The following MTMR4 variants were observed in gnomAD, a reference collection of about 807,000 sequenced individuals.
The protein encoded by MTMR4 is myotubularin related protein 4.
In MTMR4, 30 loss-of-function variants were observed where a neutral mutation model predicts 125.5. That is an observed-to-expected ratio of 0.24 (90% CI 0.18 to 0.32). The LOEUF (loss-of-function observed/expected upper bound fraction) is 0.32. Among genes scored for constraint, MTMR4 ranks in the 10% least tolerant of loss-of-function variants. MTMR4 has a pLI of 1.00. For missense variants in MTMR4, 1,039 were observed against 1,511.5 expected (o/e 0.69, Z 5.18); for synonymous variants, 498 against 564.5 (o/e 0.88, Z 1.67).
At chr17:58,516,428 A>C (rs556917360), upstream of MTMR4, 3 of 806,510 alleles carry the variant, frequency 3.7e-6, no homozygotes, top group African/African-American at 5.1e-5. Context: ...AATCTAAAGA[A>C]ACCCTAATTT....
At position 58,503,767 on chromosome 17, in the gene MTMR4, C is replaced by T; in HGVS notation, c.1830G>A (p.Glu610=). 1 of 1,614,058 alleles carries T rather than the reference C, an allele frequency of 6.2e-7. No homozygotes were observed. Among genetic ancestry groups the T allele is most frequent in the Non-Finnish European group, 8.5e-7 (1 of 1,179,938 alleles). ...LYLSPVAQSQ[E]FSGRSLDRLP... is the part of the protein sequence containing the mutation. Reference sequence around the variant, plus strand: ...ACCTGTCCAGAGAGCGGCCAGAGAACTCCTGGCTCTGGGCCACTGGGGAAA... The same window carrying T: ...ACCTGTCCAGAGAGCGGCCAGAGAATTCCTGGCTCTGGGCCACTGGGGAAA... The change falls in exon 14 of 18, where the codon GAG becomes GAA. Residue 610 remains glutamate, a synonymous_variant. Transcript: ENST00000682306.
Position 58,508,671 on chromosome 17 carries a change from C to G in MTMR4, c.496+10G>C. 1 of 1,613,852 alleles carries G rather than the reference C, an allele frequency of 6.2e-7. No individual in the cohort carries two copies. Among genetic ancestry groups the G allele is most frequent in the South Asian group, 1.1e-5 (1 of 91,086 alleles). On this transcript the variant is annotated intron_variant, in intron 5 of 17. Coordinates refer to ENST00000682306, the MANE Select transcript of MTMR4 (RefSeq NM_001378067.1). This position sits in a 1 kb window ranked among gnomAD's most constrained non-coding sequence, Gnocchi z 4.8. ...GAAGCAGCCTCCCAAAGAAAATAGA[C>G]TGGCCTCACCTGGCTGACATAGGTG...
chr17:58,508,589 T>A lies in MTMR4; in HGVS notation c.497-25A>T. On this transcript the variant is annotated intron_variant, in intron 5 of 17. Coordinates refer to ENST00000682306, the MANE Select transcript of MTMR4 (RefSeq NM_001378067.1). This position sits in a 1 kb window ranked among gnomAD's most constrained non-coding sequence, Gnocchi z 4.8. ...CCTGCAACAGAGCCCCCACGATGGT[T>A]AGCTTCCCAGAGCACCAATGTGCAG... 1 of 1,614,148 alleles carries A rather than the reference T, an allele frequency of 6.2e-7. No individual in the cohort carries two copies. The highest frequency in any genetic ancestry group is 1.1e-5 in the South Asian group (1 of 91,082).
chr17:58,511,603 G>T, intron 3 of MTMR4, 92 bp from the exon 4 acceptor site: 2 of 1,056,970 alleles, frequency 1.9e-6, no homozygotes, highest in Non-Finnish European at 2.8e-6. Flanking sequence ...ATCAATAGCA[G>T]GAAGGAAACC....
chr17:58,492,991 CATT>C (rs771200189), intron 15 of MTMR4, 39 bp from the exon 16 acceptor site: 8 of 1,510,846 alleles, frequency 5.3e-6, no homozygotes, highest in African/African-American at 2.7e-5. Context: ...TCTTCATCAT[CATT>C]AACGCTTACT....
At chr17:58,516,639 A>G, upstream of MTMR4, 1 of 1,611,158 alleles carries the variant, frequency 6.2e-7, no homozygotes, top group Non-Finnish European at 8.5e-7. Context: ...ACAGAGGAAC[A>G]TAAAAGTAAA....
Position 58,505,598 on chromosome 17 carries a change from G to C in MTMR4, c.1034-15C>G. The C allele has an allele frequency of 1.3e-6, 2 of 1,594,940 alleles. No individual in the cohort carries two copies. The highest frequency in any genetic ancestry group is 1.7e-6 in the Non-Finnish European group (2 of 1,165,186). ...GGGATAGTACTCTGTAGACATGACA[G>C]GAGAGTGGGACATAAAAGCACGTCC... On this transcript the variant is annotated splice_polypyrimidine_tract_variant and intron_variant, in intron 9 of 17. Coordinates refer to ENST00000682306, the MANE Select transcript of MTMR4 (RefSeq NM_001378067.1).
chr17:58,509,917 T>G (rs1462650727), intron 4 of MTMR4, among the ~76,000 whole-genome samples: 1 of 152,182 alleles, frequency 6.6e-6, no homozygotes, highest in African/African-American at 2.4e-5. Flanking sequence ...AGATTCCTCT[T>G]TCTTTCACTT....
intron 17 of MTMR4, among the ~76,000 whole-genome samples, chr17:58,492,087 A>T (rs2143832160): frequency 6.6e-6 from 1 of 152,340 alleles, no homozygotes; most frequent in Non-Finnish European, 1.5e-5. Flanking sequence ...AGTTGGGGAC[A>T]AACAAAAATA....
chr17:58,508,195 G>A lies in MTMR4; in HGVS notation c.673C>T (p.Arg225Cys), dbSNP rs1427943618. 1.2e-6 allele frequency: 2 copies of A among 1,613,856 alleles called. No individual in the cohort carries two copies. Among genetic ancestry groups the A allele is most frequent in the Admixed American group, 1.7e-5 (1 of 60,016 alleles). Reference sequence around the variant, plus strand: ...ACCACGGGAATCCGCTTCCAGGAGCGGAAGGAAGCCACGTTCTCCAGCTCT... The same window carrying A: ...ACCACGGGAATCCGCTTCCAGGAGCAGAAGGAAGCCACGTTCTCCAGCTCT... ...DKELENVASF[R>C]SWKRIPVVVY... Residue 225 changes from arginine to cysteine, a missense_variant, in exon 7 of 18, where the codon CGC becomes TGC. Arg to Cys is a radical substitution (Grantham distance 180, BLOSUM62 -3). Around this residue, in one of 6 missense-constraint regions of MTMR4, gnomAD observed 202 missense variants for 311.9 expected, o/e 0.65. Transcript: ENST00000682306. The surrounding 1 kb of genome is among the most constrained non-coding windows in gnomAD (Gnocchi z 4.8).
chr17:58,499,687 T>C (rs924942188), intron 14 of MTMR4, among the ~76,000 whole-genome samples: 1 of 151,660 alleles, frequency 6.6e-6, no homozygotes, highest in Non-Finnish European at 1.5e-5. Context: ...AGTGGCGCGA[T>C]CTCTGCTCAC....
chr17:58,492,498 C>T lies in MTMR4; in HGVS notation c.3452+13G>A. 3.7e-6 allele frequency: 6 copies of T among 1,612,738 alleles called. No individual in the cohort carries two copies. Among genetic ancestry groups the T allele is most frequent in the Non-Finnish European group, 5.1e-6 (6 of 1,179,274 alleles). On this transcript the variant is annotated intron_variant, in intron 17 of 17. Coordinates refer to ENST00000682306, the MANE Select transcript of MTMR4 (RefSeq NM_001378067.1). ...CTGTTTTTTGTCATACTAAATCATA[C>T]AAAACATCTTACCTGCAATGGTGTC...
chr17:58,494,758 C>T (rs1426187258), intron 15 of MTMR4, among the ~76,000 whole-genome samples, 174 bp downstream of exon 15: 1 of 152,202 alleles, frequency 6.6e-6, no homozygotes, highest in African/African-American at 2.4e-5. Context: ...CCTGATGCCT[C>T]CTCAATCATA....
chr17:58,518,559 C>T (rs987067770), upstream of MTMR4, among the ~76,000 whole-genome samples: 2 of 152,198 alleles, frequency 1.3e-5, no homozygotes, highest in African/African-American at 4.8e-5. Context: ...CAGTTCTTCA[C>T]GACCTGCATT....
rs1975930147 is a variant in MTMR4 at position 58,511,472 on chromosome 17, T to C, written c.292A>G (p.Met98Val). ...RMIDSVESRD[M>V]FQLHISCKDS... is the part of the protein sequence containing the mutation. The stretch of plus-strand genomic sequence containing the variant: ...TTGCAGGAAATGTGCAACTGGAACA[T>C]ATCACGGCTCTCCACACTGTCAATC... The change falls in exon 4 of 18, where the codon ATG (methionine) becomes GTG (valine). Residue 98 changes from methionine (M) to valine (V), a missense_variant. Coordinates refer to ENST00000682306, the MANE Select transcript of MTMR4 (RefSeq NM_001378067.1). 6.2e-7 allele frequency: 1 copy of C among 1,612,886 alleles called. No homozygotes were observed. The highest frequency in any genetic ancestry group is 1.3e-5 in the African/African-American group (1 of 75,006).
rs1598219282 is a variant in MTMR4 at position 58,503,771 on chromosome 17, T to G, written c.1826A>C (p.Gln609Pro). The G allele has an allele frequency of 5.0e-6, 8 of 1,614,118 alleles. No individual in the cohort carries two copies. The highest frequency in any genetic ancestry group is 1.7e-4 in the Middle Eastern group (1 of 6,060). Residue 609 changes from glutamine to proline, a missense_variant, in exon 14 of 18, where the codon CAG (glutamine) becomes CCG (proline). Gln to Pro is a moderately conservative substitution (Grantham distance 76, BLOSUM62 -1). Transcript: ENST00000682306. The stretch of plus-strand genomic sequence containing the variant: ...GTCCAGAGAGCGGCCAGAGAACTCC[T>G]GGCTCTGGGCCACTGGGGAAAGGTA... ...DLYLSPVAQS[Q>P]EFSGRSLDRL...
intron 8 of MTMR4, 47 bp from the exon 9 acceptor site, chr17:58,506,918 C>T (rs879169986): frequency 1.3e-6 from 2 of 1,595,416 alleles, no homozygotes; most frequent in South Asian, 1.1e-5. Flanking sequence ...AGCCACCCAA[C>T]CTCTTGCTGG....
At chr17:58,514,772 A>C (rs1976040364), upstream of MTMR4, 1 of 696,060 alleles carries the variant, frequency 1.4e-6, no homozygotes, top group Non-Finnish European at 1.8e-6. Flanking sequence ...GGCGTACCCT[A>C]CTCCAGGGAC....
Position 58,495,155 on chromosome 17 carries a change from A to G in MTMR4, c.3029T>C (p.Val1010Ala). ...CACTGGAGAAGGGCAGTTCAGTGGA[A>G]CGGGCTTTGTGCTAGAGACTTGCTT... is the stretch of plus-strand genomic sequence containing the variant. ...HPKQVSSTKP[V>A]PLNCPSPVPP... The change falls in exon 15 of 18, where the codon GTT becomes GCT. Residue 1010 changes from valine to alanine, a missense_variant. Coordinates refer to ENST00000682306, the MANE Select transcript of MTMR4 (RefSeq NM_001378067.1). The G allele has an allele frequency of 6.2e-7, 1 of 1,614,246 alleles. No individual in the cohort carries two copies. Among genetic ancestry groups the G allele is most frequent in the Non-Finnish European group, 8.5e-7 (1 of 1,180,042 alleles).
Sources: allele counts gnomAD v4.1 joint callset (sites outside exome capture counted in the v4.1 genomes callset), GRCh38; gene constraint gnomAD v4.1.1; regional missense constraint gnomAD v4.1.1; non-coding constraint Gnocchi (gnomAD v3.1); transcripts MANE v1.5; gene names NCBI Gene and HGNC (gene_info 2026-07-23, HGNC 2026-07-21).